Variants in AKAP9 observed in about 807,000 individuals in gnomAD.
The protein encoded by AKAP9 is A-kinase anchor protein 9.
A neutral mutation model predicts 488.5 loss-of-function variants in AKAP9; 311 were observed. The observed-to-expected ratio is 0.64, with a 90% confidence interval of 0.58 to 0.70. AKAP9 has a LOEUF of 0.70. Among genes scored for constraint, AKAP9 ranks in the 30% least tolerant of loss-of-function variants. The pLI, the probability that AKAP9 is intolerant of heterozygous loss-of-function variation, is 0.00. For missense variants in AKAP9, 4,215 were observed against 4,374.5 expected, an observed-to-expected ratio of 0.96 and a Z score of 1.03; for synonymous variants, 1,462 against 1,483.5, an observed-to-expected ratio of 0.99 and a Z score of 0.33.
intron 15 of AKAP9, among the ~76,000 whole-genome samples, chr7:92,030,729 C>T (rs533240462): frequency 2.4e-3 from 372 of 152,126 alleles, no homozygotes; most frequent in African/African-American, 8.5e-3. Flanking sequence ...CAATAAGGTC[C>T]GTATGGTATA....
rs145972529 is a variant in AKAP9, at chr7:92,097,269, A to C, written c.10310A>C (p.Gln3437Pro). 1 of 1,614,010 alleles carries C rather than the reference A, an allele frequency of 6.2e-7. No homozygotes were observed. The highest frequency in any genetic ancestry group is 2.2e-5 in the East Asian group (1 of 44,884). Reference protein sequence around the residue: ...YKLDLEGQRLQGIMQEFQKQE... With the variant: ...YKLDLEGQRLPGIMQEFQKQE... Reference sequence around the variant, plus strand: ...TTAGACCTTGAAGGACAGCGACTACAAGGAATCATGCAGGAATTCCAGAAG... The same window carrying C: ...TTAGACCTTGAAGGACAGCGACTACCAGGAATCATGCAGGAATTCCAGAAG... The change falls in exon 41 of 50, where the codon CAA becomes CCA. Residue 3437 changes from glutamine to proline, a missense_variant. By Grantham distance (76) the Gln-to-Pro change is moderately conservative. Around this residue, in one of 5 missense-constraint regions of AKAP9, gnomAD observed 1,476 missense variants for 1,477.4 expected, o/e 1.00. Coordinates refer to ENST00000356239, the MANE Select transcript of AKAP9 (RefSeq NM_005751.5).
chr7:92,016,814 A>C (rs958257577), intron 11 of AKAP9, among the ~76,000 whole-genome samples: 1 of 152,122 alleles, frequency 6.6e-6, no homozygotes, highest in Non-Finnish European at 1.5e-5. Context: ...AAAGAAATTA[A>C]CATATTTTAA....
At chr7:92,020,079 ACAGGTAGATGTCTTTT>A (rs1802115447) in intron 12 of AKAP9, among the ~76,000 whole-genome samples, 1 of 152,150 alleles carries the variant, frequency 6.6e-6, no homozygotes, top group South Asian at 2.1e-4. Context: ...AATATAGCAA[ACAGGTAGATGTCTTTT>A]CTGCACAAGG....
chr7:92,031,516 C>G lies in AKAP9; in HGVS notation c.4250C>G (p.Ser1417Cys). 1.9e-6 allele frequency: 3 copies of G among 1,608,496 alleles called. No homozygotes were observed. Among genetic ancestry groups the G allele is most frequent in the Non-Finnish European group, 2.6e-6 (3 of 1,175,546 alleles). The part of the protein sequence containing the change: ...KKNIDGTIEF[S>C]GEFGVKEETN... ...ATATTTTGCTTTTAAATGTAGTTTT[C>G]TGGTGAATTTGGAGTGAAAGAGGAA... Residue 1417 changes from serine to cysteine, a missense_variant, in exon 16 of 50, where the codon TCT becomes TGT. Ser to Cys is a moderately radical substitution (Grantham distance 112, BLOSUM62 -1). Coordinates refer to ENST00000356239, the MANE Select transcript of AKAP9 (RefSeq NM_005751.5).
intron 1 of AKAP9, among the ~76,000 whole-genome samples, chr7:91,958,059 A>G (rs985995444): frequency 2.6e-5 from 4 of 152,194 alleles, no homozygotes; most frequent in Non-Finnish European, 5.9e-5. Context: ...GTCAAAAGCA[A>G]ACTGATATTC....
At chr7:91,958,003 G>A (rs1432740636) in intron 1 of AKAP9, among the ~76,000 whole-genome samples, 1 of 152,114 alleles carries the variant, frequency 6.6e-6, no homozygotes, top group Admixed American at 6.6e-5. Context: ...TCAGTCCTTG[G>A]GGAGTAGTGA....
Position 92,017,047 on chromosome 7 carries a change from A to G in AKAP9, c.3782A>G (p.Asn1261Ser), listed in dbSNP as rs755453815. The change falls in exon 12 of 50, where the codon AAC becomes AGC. Residue 1261 changes from asparagine to serine, a missense_variant. Transcript: ENST00000356239. ...CAAGAAAATATGCACACTCTTCTCA[A>G]CAAAGTAACAGAAGAATACAACAAA... ...DFQENMHTLL[N>S]KVTEEYNKLL... The G allele has an allele frequency of 8.2e-6, 13 of 1,591,016 alleles. No homozygotes were observed. In the East Asian group the frequency reaches 2.7e-4, roughly 33 times the overall value.
At chr7:92,004,820 G>T (rs1043172640) in intron 8 of AKAP9, among the ~76,000 whole-genome samples, 22 of 152,132 alleles carry the variant, frequency 1.4e-4, no homozygotes, top group Non-Finnish European at 2.2e-4. Context: ...TCTTTCTCCT[G>T]CCTGATTTCC....
rs1013953295 is a variant in AKAP9 at position 92,085,166 on chromosome 7, G to A, written c.8832+226G>A. ...TTTCTTAATAATTCTTATTCCTGAT[G>A]TATTCGTTTGCCAGAATTTTTAAAG... On this transcript the variant is annotated intron_variant, in intron 35 of 49. Coordinates refer to ENST00000356239, the MANE Select transcript of AKAP9 (RefSeq NM_005751.5). 3.3e-5 allele frequency among the ~76,000 whole-genome samples: 5 copies of A among 152,224 alleles called. 1 individual carries two copies. The Middle Eastern group carries it at 0.01, about 311-fold the overall frequency.
chr7:92,094,145 C>A (rs1033069552), intron 39 of AKAP9, among the ~76,000 whole-genome samples: 4 of 152,010 alleles, frequency 2.6e-5, no homozygotes, highest in Admixed American at 6.6e-5. Context: ...GCCACCATGC[C>A]CAGCCAAAAT....
At chr7:92,074,745 A>G (rs1334402254) in intron 28 of AKAP9, among the ~76,000 whole-genome samples, 5 of 152,230 alleles carry the variant, frequency 3.3e-5, no homozygotes, top group African/African-American at 9.6e-5. Context: ...CATCATTCTC[A>G]GCAAACTATC....
At chr7:92,039,767 G>A (rs2130779411) in intron 17 of AKAP9, among the ~76,000 whole-genome samples, 1 of 152,278 alleles carries the variant, frequency 6.6e-6, no homozygotes, top group Non-Finnish European at 1.5e-5. Flanking sequence ...TTGAGGTCAG[G>A]AGTTCGAGAC....
intron 1 of AKAP9, among the ~76,000 whole-genome samples, chr7:91,959,934 CCTTA>C (rs1163887179): frequency 6.6e-6 from 1 of 152,098 alleles, no homozygotes; most frequent in Non-Finnish European, 1.5e-5. Flanking sequence ...CTTTCAGTTG[CCTTA>C]CTTCAACTTC....
rs1808218421 is a variant in AKAP9 at position 92,052,863 on chromosome 7, G to A, written c.5506G>A (p.Asp1836Asn). Residue 1836 changes from aspartate (D) to asparagine (N), a missense_variant, in exon 22 of 50, where the codon GAC becomes AAC. Asp to Asn is a conservative substitution (Grantham distance 23). Around this residue, in one of 5 missense-constraint regions of AKAP9, gnomAD observed 2,361 missense variants for 2,430.0 expected, o/e 0.97. Transcript: ENST00000356239. Reference sequence around the variant, plus strand: ...GAGTGGTTTTGCTGGAACTGAAATAGACCCTGAAAATGAAGAACTTATGCT... The same window carrying A: ...GAGTGGTTTTGCTGGAACTGAAATAAACCCTGAAAATGAAGAACTTATGCT... Reference protein sequence around the residue: ...VRSGFAGTEIDPENEELMLNI... With the variant: ...VRSGFAGTEINPENEELMLNI... 6.2e-7 allele frequency: 1 copy of A among 1,613,648 alleles called. No homozygotes were observed. Among genetic ancestry groups the A allele is most frequent in the African/African-American group, 1.3e-5 (1 of 74,858 alleles).
chr7:92,034,500 T>A (rs11439003), intron 16 of AKAP9, among the ~76,000 whole-genome samples: 24,712 of 83,518 alleles, frequency 0.3, 2,405 homozygotes, highest in South Asian at 0.33. Flanking sequence ...ATATATATAT[T>A]TTTTTTTTTT....
At chr7:91,963,101 A>G (rs185605772) in intron 1 of AKAP9, among the ~76,000 whole-genome samples, 1 of 152,256 alleles carries the variant, frequency 6.6e-6, no homozygotes, top group African/African-American at 2.4e-5. Flanking sequence ...TTTTCTTTTT[A>G]AACAATGCAC....
intron 8 of AKAP9, among the ~76,000 whole-genome samples, chr7:92,011,707 T>A (rs1296577012): frequency 6.6e-6 from 1 of 152,206 alleles, no homozygotes; most frequent in Non-Finnish European, 1.5e-5. Context: ...CCTTGTGAAA[T>A]TTTAATATAT....
chr7:91,958,394 A>AT (rs1397742043), intron 1 of AKAP9, among the ~76,000 whole-genome samples: 1 of 152,094 alleles, frequency 6.6e-6, no homozygotes, highest in African/African-American at 2.4e-5. Context: ...TTTGTTGTTT[A>AT]TTTTTAATGG....
Position 92,014,461 on chromosome 7 carries a change from C to G in AKAP9, c.3612+133C>G, listed in dbSNP as rs1584120892. On this transcript the variant is annotated intron_variant, in intron 10 of 49. Transcript: ENST00000356239. ...TGGCCAACGTGGTGAAACCCCGTCT[C>G]TACCAAAAAATACAAAAATCAGTCC... 3 of 683,718 alleles carry G rather than the reference C, an allele frequency of 4.4e-6. No individual in the cohort carries two copies. In the East Asian group the frequency reaches 8.6e-5, roughly 20 times the overall value. The allele number at this position is 683,718 out of a possible 1,614,324, so 42.4% of individuals were successfully genotyped here.
Sources: allele counts gnomAD v4.1 joint callset (sites outside exome capture counted in the v4.1 genomes callset), GRCh38; gene constraint gnomAD v4.1.1; regional missense constraint gnomAD v4.1.1; transcripts MANE v1.5; gene names NCBI Gene and HGNC (gene_info 2026-07-23, HGNC 2026-07-21).